Variants in CFHR5 observed in about 807,000 individuals in gnomAD.
CFHR5 encodes the protein complement factor H-related protein 5.
CFHR5 carries 73 observed loss-of-function variants against 62.9 expected under a neutral mutation model. That is an observed-to-expected ratio of 1.16 (90% CI 0.96 to 1.41). CFHR5 has a LOEUF of 1.41. Among genes scored for constraint, CFHR5 ranks in the 40% most tolerant of loss-of-function variants. CFHR5 has a pLI of 0.00. For synonymous variants in CFHR5, 249 were observed against 227.2 expected, an observed-to-expected ratio of 1.10 and a Z score of -0.86; for missense variants, 779 against 679.9, an observed-to-expected ratio of 1.15 and a Z score of -1.62.
chr1:196,978,409 A>G (rs79325828), intron 1 of CFHR5, among the ~76,000 whole-genome samples: 2,041 of 152,244 alleles, frequency 0.013, 36 homozygotes, highest in African/African-American at 0.044. Flanking sequence ...AAAGGATTGC[A>G]AACAAAATCT....
intron 1 of CFHR5, 88 bp downstream of exon 1, chr1:196,977,810 T>A (rs2125024087): frequency 1.0e-6 from 1 of 963,334 alleles, no homozygotes; most frequent in East Asian, 2.4e-5. Flanking sequence ...TATTTTTAAA[T>A]GAATAAATAG....
At chr1:196,978,388 C>T (rs1177398834) in intron 1 of CFHR5, among the ~76,000 whole-genome samples, 2 of 151,938 alleles carry the variant, frequency 1.3e-5, no homozygotes, top group African/African-American at 4.8e-5. Flanking sequence ...GAAATTAAAG[C>T]CACTATATCA....
At chr1:196,998,746 AG>A (rs1173774998) in intron 7 of CFHR5, among the ~76,000 whole-genome samples, 3 of 152,068 alleles carry the variant, frequency 2.0e-5, no homozygotes, top group Non-Finnish European at 4.4e-5. Context: ...CCTAAGAAAA[AG>A]TCTCACATTC....
rs749471589 is a variant in CFHR5 at position 196,995,717 on chromosome 1, G to C, written c.608G>C (p.Gly203Ala). The change falls in exon 5 of 10, where the codon GGA (glycine) becomes GCA (alanine). Residue 203 changes from glycine (G) to alanine (A), a missense_variant and splice_region_variant. Coordinates refer to ENST00000256785, the MANE Select transcript of CFHR5 (RefSeq NM_030787.4). ...ATTATTTATGGTTTCTTTATAATAG[G>C]ACAAGTACGATCATGTGGTCCACCT... ...GWSPNFPTCK[G>A]QVRSCGPPPQ... is the part of the protein sequence containing the mutation. 6.2e-7 allele frequency: 1 copy of C among 1,611,770 alleles called. No homozygotes were observed.
intron 3 of CFHR5, among the ~76,000 whole-genome samples, chr1:196,989,557 C>T (rs1410772002): frequency 1.3e-5 from 2 of 152,130 alleles, no homozygotes; most frequent in Non-Finnish European, 2.9e-5. Context: ...CCCAGAGATT[C>T]TGGTAAGTTG....
chr1:196,976,209 C>A (rs896101060), upstream of CFHR5, among the ~76,000 whole-genome samples: 4 of 152,260 alleles, frequency 2.6e-5, no homozygotes, highest in African/African-American at 9.6e-5. Context: ...TAGCTATGTG[C>A]ATTCCCATTG....
intron 1 of CFHR5, among the ~76,000 whole-genome samples, chr1:196,982,260 C>A (rs889445265): frequency 9.9e-5 from 15 of 152,154 alleles, no homozygotes. Flanking sequence ...GGGAGATTTG[C>A]TACTCTTACA....
chr1:196,996,901 C>G (rs1192382523), intron 6 of CFHR5, among the ~76,000 whole-genome samples: 1 of 151,912 alleles, frequency 6.6e-6, no homozygotes, highest in East Asian at 1.9e-4. Flanking sequence ...TAGTAGTAGT[C>G]TATCAGCCTG....
At chr1:196,990,345 T>A (rs940650706) in intron 3 of CFHR5, among the ~76,000 whole-genome samples, 1 of 152,206 alleles carries the variant, frequency 6.6e-6, no homozygotes, top group Non-Finnish European at 1.5e-5. Context: ...CTGTGTCTTT[T>A]AATTGGAGCA....
intron 7 of CFHR5, among the ~76,000 whole-genome samples, chr1:197,000,866 A>C (rs1350289567): frequency 6.6e-6 from 1 of 152,002 alleles, no homozygotes; most frequent in Admixed American, 6.6e-5. Context: ...AAGAGGTAAT[A>C]AGACATTAAG....
At chr1:197,000,093 A>C (rs563313624) in intron 7 of CFHR5, among the ~76,000 whole-genome samples, 1 of 152,034 alleles carries the variant, frequency 6.6e-6, no homozygotes, top group South Asian at 2.1e-4. Flanking sequence ...AATACAGGGA[A>C]TAATAATATG....
chr1:196,995,923 C>T (rs1653978960), intron 5 of CFHR5, 24 bp downstream of exon 5: 1 of 1,601,046 alleles, frequency 6.2e-7, no homozygotes, highest in African/African-American at 1.3e-5. Context: ...AACATTTAAA[C>T]AGGACAGTTA....
chr1:196,984,244 A>G, intron 3 of CFHR5, 107 bp downstream of exon 3: 1 of 979,712 alleles, frequency 1.0e-6, no homozygotes, highest in Non-Finnish European at 1.6e-6. Context: ...TACTTCTATC[A>G]TTATTTATTT....
At chr1:197,007,209 G>A (rs1031128396) in intron 9 of CFHR5, among the ~76,000 whole-genome samples, 4 of 151,736 alleles carry the variant, frequency 2.6e-5, no homozygotes, top group Admixed American at 2.0e-4. Context: ...TGCAATATGG[G>A]GAAATTGTTT....
intron 3 of CFHR5, among the ~76,000 whole-genome samples, chr1:196,986,341 C>A (rs1653680797): frequency 6.6e-6 from 1 of 151,586 alleles, no homozygotes; most frequent in Non-Finnish European, 1.5e-5. Context: ...GCTGGAAAAC[C>A]CTACATTGGC....
rs1429972804 is a variant in CFHR5 at position 197,009,011 on chromosome 1, C to G, written c.*328C>G. 8.4e-6 allele frequency: 2 copies of G among 239,290 alleles called. No individual in the cohort carries two copies. Among genetic ancestry groups the G allele is most frequent in the African/African-American group, 4.5e-5 (2 of 44,062 alleles). The allele number at this position is 239,290 out of a possible 1,614,324, so 14.8% of individuals were successfully genotyped here. On this transcript the variant is annotated 3_prime_UTR_variant, in exon 10 of 10. Coordinates refer to ENST00000256785, the MANE Select transcript of CFHR5 (RefSeq NM_030787.4). ...GGGCTGCCTCTGGTGAGGGTCTTCT[C>G]GAAGCATCATAATATGCTGGAAGGC...
At chr1:196,995,206 A>C (rs1230411434) in intron 4 of CFHR5, among the ~76,000 whole-genome samples, 1 of 152,186 alleles carries the variant, frequency 6.6e-6, no homozygotes, top group African/African-American at 2.4e-5. Flanking sequence ...ACAACTTAAT[A>C]TCCTGATTAT....
At chr1:196,975,886 G>A (rs1472790665), upstream of CFHR5, among the ~76,000 whole-genome samples, 4 of 152,130 alleles carry the variant, frequency 2.6e-5, no homozygotes, top group South Asian at 4.2e-4. Context: ...AGAAAGGAAC[G>A]AATGGGCAGG....
chr1:196,985,580 T>G (rs1338878426), intron 3 of CFHR5, among the ~76,000 whole-genome samples: 1 of 152,220 alleles, frequency 6.6e-6, no homozygotes, highest in African/African-American at 2.4e-5. Flanking sequence ...AGTTATGGTA[T>G]AAATATTTCC....
Sources: allele counts gnomAD v4.1 joint callset (sites outside exome capture counted in the v4.1 genomes callset), GRCh38; gene constraint gnomAD v4.1.1; transcripts MANE v1.5; gene names NCBI Gene and HGNC (gene_info 2026-07-23, HGNC 2026-07-21).